TRPM2: variants seen among roughly 807,000 people sequenced by gnomAD.
TRPM2 encodes transient receptor potential cation channel subfamily M member 2.
In TRPM2, 161 loss-of-function variants were observed where a neutral mutation model predicts 174.0. The observed-to-expected ratio is 0.93, with a 90% confidence interval of 0.81 to 1.05. TRPM2 has a LOEUF of 1.05. Among genes scored for constraint, TRPM2 ranks in the 50% least tolerant of loss-of-function variants. The probability of loss-of-function intolerance (pLI) is 0.00; values close to 1 mark genes in which losing one functional copy is unlikely to be tolerated. For missense variants in TRPM2, 2,057 were observed against 2,038.0 expected, an observed-to-expected ratio of 1.01 and a Z score of -0.18; for synonymous variants, 954 against 861.3, an observed-to-expected ratio of 1.11 and a Z score of -1.88.
intron 17 of TRPM2, 48 bp from the exon 18 acceptor site, chr21:44,405,857 T>A: frequency 6.3e-7 from 1 of 1,585,006 alleles, no homozygotes; most frequent in East Asian, 2.2e-5. Flanking sequence ...CTCTGGGGGC[T>A]GCTGTGAGCA....
At chr21:44,361,948 A>G (rs929926149) in intron 2 of TRPM2, among the ~76,000 whole-genome samples, 7 of 152,218 alleles carry the variant, frequency 4.6e-5, no homozygotes, top group East Asian at 3.9e-4. Context: ...AGCTCAAGCA[A>G]TCTGCCCACC....
intron 27 of TRPM2, among the ~76,000 whole-genome samples, chr21:44,429,553 C>T (rs549462425): frequency 1.3e-5 from 2 of 152,040 alleles, no homozygotes; most frequent in African/African-American, 4.8e-5. Context: ...TCCCAGAGTG[C>T]TGGGATTACA....
Position 44,399,363 on chromosome 21 carries a change from G to A in TRPM2, c.2130G>A (p.Glu710=), listed in dbSNP as rs1354393116. The A allele has an allele frequency of 1.9e-6, 3 of 1,612,722 alleles. No homozygotes were observed. Among genetic ancestry groups the A allele is most frequent in the African/African-American group, 2.7e-5 (2 of 74,934 alleles). ...AGAAACTGCTCACCCGCGTGTCCGA[G>A]GCCTGGGGGAAGACCACCTGCCTGC... The part of the protein sequence containing the change: ...RAQKLLTRVS[E]AWGKTTCLQL... The change falls in exon 14 of 32, where the codon GAG becomes GAA. Residue 710 remains glutamate, a synonymous_variant. Coordinates refer to ENST00000397928, the MANE Select transcript of TRPM2 (RefSeq NM_003307.4). This position sits in a 1 kb window ranked among gnomAD's most constrained non-coding sequence, Gnocchi z 4.6.
Position 44,399,527 on chromosome 21 carries a change from C to T in TRPM2, c.2208+86C>T. On this transcript the variant is annotated intron_variant, in intron 14 of 31. Transcript: ENST00000397928. This position sits in a 1 kb window ranked among gnomAD's most constrained non-coding sequence, Gnocchi z 4.6. ...GCCTCCTGTTCGTGCAGTTGGCACG[C>T]ACACTCACACAGGCTTCAGGGCCCT... is the stretch of plus-strand genomic sequence containing the variant. 1.3e-6 allele frequency: 2 copies of T among 1,497,434 alleles called. No homozygotes were observed. Among genetic ancestry groups the T allele is most frequent in the East Asian group, 2.4e-5 (1 of 42,496 alleles). The allele number at this position is 1,497,434 out of a possible 1,614,324, so 92.8% of individuals were successfully genotyped here.
intron 3 of TRPM2, among the ~76,000 whole-genome samples, chr21:44,365,693 C>T (rs2048338530): frequency 6.6e-6 from 1 of 152,184 alleles, no homozygotes; most frequent in Non-Finnish European, 1.5e-5. Context: ...TCTCCCAGCC[C>T]CCTCCCTGCA....
rs2146154058 is a variant in TRPM2 at position 44,366,692 on chromosome 21, G to A, written c.424-62G>A. 1 of 1,608,378 alleles carries A rather than the reference G, an allele frequency of 6.2e-7. No individual in the cohort carries two copies. Among genetic ancestry groups the A allele is most frequent in the South Asian group, 1.1e-5 (1 of 90,850 alleles). ...GGGGCCTCTCTGCATGGCCTGTGTG[G>A]GTCGGTGCTGTCCCTGACCACTGAC... On this transcript the variant is annotated intron_variant, in intron 3 of 31. Transcript: ENST00000397928. This position sits in a 1 kb window ranked among gnomAD's most constrained non-coding sequence, Gnocchi z 6.0.
Position 44,369,343 on chromosome 21 carries a change from G to A in TRPM2, c.771G>A (p.Thr257=), listed in dbSNP as rs749273256. The A allele has an allele frequency of 1.1e-5, 18 of 1,609,072 alleles. No individual in the cohort carries two copies. The highest frequency in any genetic ancestry group is 1.4e-5 in the Non-Finnish European group (17 of 1,177,012). The stretch of plus-strand genomic sequence containing the variant: ...GCCGCGAGGGCCTGATCCATCCCAC[G>A]GTGAGTGCGGCCCCCTAGGGAGGGG... ...VHRREGLIHP[T]GSFPAEYILD... The change falls in exon 5 of 32, where the codon ACG becomes ACA. Residue 257 remains threonine, a splice_region_variant and synonymous_variant. Coordinates refer to ENST00000397928, the MANE Select transcript of TRPM2 (RefSeq NM_003307.4).
chr21:44,380,488 T>G (rs2048847616), intron 8 of TRPM2, among the ~76,000 whole-genome samples: 1 of 152,160 alleles, frequency 6.6e-6, no homozygotes, highest in African/African-American at 2.4e-5. Context: ...CTGCTGTTGT[T>G]GAAAGGTGCC....
In TRPM2 at chr21:44,439,281, C is replaced by G; in HGVS notation, c.4269+113C>G. On this transcript the variant is annotated intron_variant, in intron 30 of 31. Coordinates refer to ENST00000397928, the MANE Select transcript of TRPM2 (RefSeq NM_003307.4). This position sits in a 1 kb window ranked among gnomAD's most constrained non-coding sequence, Gnocchi z 5.1. ...ACCACTGGGTGGCAGCGGTCCCACC[C>G]AGCTTCACCAGGTGACGGTGGTCCC... is the stretch of plus-strand genomic sequence containing the variant. 2.2e-6 allele frequency: 2 copies of G among 906,360 alleles called. No individual in the cohort carries two copies. The highest frequency in any genetic ancestry group is 3.4e-6 in the Non-Finnish European group (2 of 581,626). The allele number at this position is 906,360 out of a possible 1,614,324, so 56.1% of individuals were successfully genotyped here.
In TRPM2 at chr21:44,433,835, G is replaced by A. The variant is rs529590651; in HGVS notation, c.3975-1296G>A. 1.8e-4 allele frequency among the ~76,000 whole-genome samples: 28 copies of A among 152,308 alleles called. No individual in the cohort carries two copies. The South Asian group carries it at 5.6e-3, about 30-fold the overall frequency. On this transcript the variant is annotated intron_variant, in intron 27 of 31. Coordinates refer to ENST00000397928, the MANE Select transcript of TRPM2 (RefSeq NM_003307.4). ...TTCTGGTGCGGACTCTGATCGCTGT[G>A]GGCTCGGGCAGGTCTGCGCAGAGGT...
At position 44,391,163 on chromosome 21, in the gene TRPM2, C is replaced by A; in HGVS notation, c.1441-109C>A. On this transcript the variant is annotated intron_variant, in intron 10 of 31. Coordinates refer to ENST00000397928, the MANE Select transcript of TRPM2 (RefSeq NM_003307.4). This position sits in a 1 kb window ranked among gnomAD's most constrained non-coding sequence, Gnocchi z 5.0. Reference sequence around the variant, plus strand: ...GGTGGGTGACCTGGGCAGCTTTCATCCTCCCCAGGTTGGGGACAACAGCAG... The same window carrying A: ...GGTGGGTGACCTGGGCAGCTTTCATACTCCCCAGGTTGGGGACAACAGCAG... The A allele has an allele frequency of 6.5e-7, 1 of 1,535,922 alleles. No homozygotes were observed. Among genetic ancestry groups the A allele is most frequent in the Non-Finnish European group, 8.9e-7 (1 of 1,128,694 alleles).
At chr21:44,362,348 CAAA>C (rs57031573) in intron 2 of TRPM2, among the ~76,000 whole-genome samples, 2 of 89,282 alleles carry the variant, frequency 2.2e-5, no homozygotes, top group African/African-American at 4.1e-5. Context: ...ACTAAAAATA[CAAA>C]AAAAAAAAAA....
intron 9 of TRPM2, among the ~76,000 whole-genome samples, chr21:44,385,473 T>G (rs1422698296): frequency 6.6e-6 from 1 of 152,090 alleles, no homozygotes; most frequent in Non-Finnish European, 1.5e-5. Flanking sequence ...TCCTCCAAGA[T>G]AGAAATAAGG....
rs1340991925 is a variant in TRPM2, at chr21:44,425,791, G to A, written c.3759G>A (p.Thr1253=). 8 of 1,586,134 alleles carry A rather than the reference G, an allele frequency of 5.0e-6. No individual in the cohort carries two copies. The highest frequency in any genetic ancestry group is 1.7e-5 in the Admixed American group (1 of 58,900). Residue 1253 remains threonine (T), a synonymous_variant, in exon 25 of 32, where the codon ACG becomes ACA. Transcript: ENST00000397928. ...RHLLYPNCPV[T]RFPVPNEKVP... is the part of the protein sequence containing the mutation. ...TCCTCTACCCCAACTGCCCTGTCAC[G>A]CGCTTCCCCGTGCCCAACGAGAAGG...
In TRPM2 at chr21:44,390,920, C is replaced by T. The variant is rs140683090; in HGVS notation, c.1335C>T (p.Asp445=). The change falls in exon 10 of 32, where the codon GAC becomes GAT. Residue 445 remains aspartate, a synonymous_variant. Transcript: ENST00000397928. ...QALLKASRSQ[D]HFGHENWDHQ... ...CATCTGCAGCCTCACGGAGCCAAGA[C>T]CACTTTGGCCACGAGAACTGGGACC... 2.4e-4 allele frequency: 380 copies of T among 1,614,070 alleles called. No homozygotes were observed. In the African/African-American group the frequency reaches 4.2e-3, roughly 18 times the overall value.
rs2049190230 is a variant in TRPM2, at chr21:44,391,967, T to C, written c.1794+342T>C. Reference sequence around the variant, plus strand: ...CACTTCCTCTTCTTTTTCTTTTATTTATTTTTTATTTTTTTGAGACAGGGT... The same window carrying C: ...CACTTCCTCTTCTTTTTCTTTTATTCATTTTTTATTTTTTTGAGACAGGGT... On this transcript the variant is annotated intron_variant, in intron 11 of 31. Coordinates refer to ENST00000397928, the MANE Select transcript of TRPM2 (RefSeq NM_003307.4). This position sits in a 1 kb window ranked among gnomAD's most constrained non-coding sequence, Gnocchi z 5.0. 6.6e-6 allele frequency among the ~76,000 whole-genome samples: 1 copy of C among 152,118 alleles called. No homozygotes were observed. Among genetic ancestry groups the C allele is most frequent in the South Asian group, 2.1e-4 (1 of 4,822 alleles).
intron 27 of TRPM2, among the ~76,000 whole-genome samples, chr21:44,433,014 A>G (rs917706448): frequency 6.6e-6 from 1 of 152,132 alleles, no homozygotes; most frequent in Non-Finnish European, 1.5e-5. Context: ...GCACAGTGAG[A>G]GCAGCTGAAG....
intron 22 of TRPM2, chr21:44,422,508 C>T (rs1262155750): frequency 2.0e-6 from 3 of 1,466,456 alleles, no homozygotes; most frequent in African/African-American, 1.4e-5. Flanking sequence ...ACTTTCTTCC[C>T]TCTCCCTAGA....
chr21:44,380,805 C>T (rs1229289122), intron 8 of TRPM2, among the ~76,000 whole-genome samples: 1 of 152,238 alleles, frequency 6.6e-6, no homozygotes, highest in Non-Finnish European at 1.5e-5. Flanking sequence ...CACCCTCGCT[C>T]AGCCTTGCCT....
Sources: allele counts gnomAD v4.1 joint callset (sites outside exome capture counted in the v4.1 genomes callset), GRCh38; gene constraint gnomAD v4.1.1; non-coding constraint Gnocchi (gnomAD v3.1); transcripts MANE v1.5; gene names NCBI Gene and HGNC (gene_info 2026-07-23, HGNC 2026-07-21).